EYS: variants seen among roughly 807,000 people sequenced by gnomAD.
EYS encodes the protein protein eyes shut homolog.
A neutral mutation model predicts 282.1 loss-of-function variants in EYS; 250 were observed. That is an observed-to-expected ratio of 0.89 (90% CI 0.80 to 0.98). The LOEUF (loss-of-function observed/expected upper bound fraction) is 0.98, where lower values mean the gene tolerates loss of function less well. EYS is among the 50% of genes least tolerant of loss of function. EYS has a pLI of 0.00. For synonymous variants in EYS, 1,355 were observed against 1,282.9 expected (o/e 1.06, Z -1.20); for missense variants, 4,016 against 3,709.0 (o/e 1.08, Z -2.15).
At position 64,212,704 on chromosome 6, in the gene EYS, A is replaced by G. The variant is rs534268533; in HGVS notation, c.6424+17888T>C. ...AAGCATTGTGGAAGACAGTGTGACT[A>G]TTTTTCAAAGACCTAAAGACAGAAA... On this transcript the variant is annotated intron_variant, in intron 31 of 42. Transcript: ENST00000503581. Among the ~76,000 whole-genome samples, 4 of 152,142 alleles carry G rather than the reference A, an allele frequency of 2.6e-5. No homozygotes were observed. In the South Asian group the frequency reaches 8.3e-4, roughly 31 times the overall value.
chr6:64,946,042 T>C (rs891499863), intron 14 of EYS, 128 bp from the exon 15 acceptor site: 3 of 653,252 alleles, frequency 4.6e-6, no homozygotes, highest in South Asian at 3.1e-5. Context: ...AGAATGCCAA[T>C]ACTCCCCCCA....
chr6:64,714,105 A>G (rs1771295469), intron 22 of EYS, among the ~76,000 whole-genome samples: 1 of 152,210 alleles, frequency 6.6e-6, no homozygotes, highest in African/African-American at 2.4e-5. Flanking sequence ...TTGAGAGGCA[A>G]TGTGGTCTGC....
intron 31 of EYS, among the ~76,000 whole-genome samples, chr6:64,145,040 C>G (rs927393624): frequency 1.3e-5 from 2 of 152,054 alleles, no homozygotes; most frequent in Non-Finnish European, 2.9e-5. Flanking sequence ...TGATAAACTA[C>G]TTATTGTTAT....
At chr6:64,383,662 C>T (rs1772820592) in intron 29 of EYS, among the ~76,000 whole-genome samples, 1 of 152,170 alleles carries the variant, frequency 6.6e-6, no homozygotes. Flanking sequence ...CTATAAATGG[C>T]TATTTAAGAG....
At chr6:63,776,499 G>A (rs1562020712) in intron 40 of EYS, among the ~76,000 whole-genome samples, 5 of 152,062 alleles carry the variant, frequency 3.3e-5, no homozygotes, top group Admixed American at 6.6e-5. Context: ...TTAGGATACT[G>A]GCATTGAGTA....
intron 1 of EYS, among the ~76,000 whole-genome samples, chr6:65,677,468 T>A (rs1258584337): frequency 6.6e-6 from 1 of 151,672 alleles, no homozygotes; most frequent in East Asian, 1.9e-4. Context: ...CCATTTACAA[T>A]GACATCAAAA....
At chr6:63,757,726 T>C (rs1029220772) in intron 41 of EYS, among the ~76,000 whole-genome samples, 1 of 152,092 alleles carries the variant, frequency 6.6e-6, no homozygotes, top group African/African-American at 2.4e-5. Context: ...TTAGGGAAAA[T>C]AGAAAGAACC....
intron 35 of EYS, among the ~76,000 whole-genome samples, chr6:63,937,353 T>A (rs1765094866): frequency 1.1e-4 from 3 of 26,802 alleles, no homozygotes; most frequent in African/African-American, 4.5e-4. Context: ...TTCTTTTTTT[T>A]TTTTTTTTTT....
At chr6:65,400,310 A>G (rs1165207320) in intron 7 of EYS, among the ~76,000 whole-genome samples, 2 of 151,852 alleles carry the variant, frequency 1.3e-5, no homozygotes, top group African/African-American at 4.8e-5. Context: ...TTTTCAAATA[A>G]TTTTCCAAAG....
intron 1 of EYS, among the ~76,000 whole-genome samples, chr6:65,665,521 T>C (rs965641516): frequency 1.3e-5 from 2 of 152,132 alleles, no homozygotes; most frequent in Non-Finnish European, 2.9e-5. Context: ...AAACATTGCT[T>C]AGCATCATGC....
intron 35 of EYS, among the ~76,000 whole-genome samples, chr6:63,888,393 G>A (rs13191865): frequency 6.6e-6 from 1 of 152,228 alleles, no homozygotes; most frequent in Non-Finnish European, 1.5e-5. Flanking sequence ...GGAGAGCTCT[G>A]TCTGGCATCT....
At chr6:64,947,511 C>A (rs373714155) in intron 14 of EYS, among the ~76,000 whole-genome samples, 2 of 151,920 alleles carry the variant, frequency 1.3e-5, no homozygotes, top group Non-Finnish European at 2.9e-5. Context: ...AGTCTCCACT[C>A]AGAATAATCT....
At chr6:64,026,051 C>A (rs1462156519) in intron 33 of EYS, among the ~76,000 whole-genome samples, 1 of 152,140 alleles carries the variant, frequency 6.6e-6, no homozygotes, top group Non-Finnish European at 1.5e-5. Flanking sequence ...CTTGGTCCTC[C>A]ATGTGGTCCG....
At chr6:64,371,883 C>A (rs116130948) in intron 29 of EYS, among the ~76,000 whole-genome samples, 4,727 of 152,120 alleles carry the variant, frequency 0.031, 229 homozygotes, top group African/African-American at 0.11. Context: ...TTCTCCATCC[C>A]TTTTATTTCA....
chr6:65,510,531 AT>A (rs1234969969), intron 2 of EYS, among the ~76,000 whole-genome samples: 3 of 152,056 alleles, frequency 2.0e-5, no homozygotes, highest in African/African-American at 7.2e-5. Flanking sequence ...TTTGATTAAT[AT>A]TTTTTGACTG....
intron 2 of EYS, among the ~76,000 whole-genome samples, chr6:65,601,434 TC>T (rs892178978): frequency 1.3e-5 from 2 of 151,796 alleles, no homozygotes; most frequent in African/African-American, 4.8e-5. Flanking sequence ...TGCTTTTTTT[TC>T]CCCCACAGAG....
intron 36 of EYS, among the ~76,000 whole-genome samples, chr6:63,824,382 A>G (rs1215883611): frequency 6.6e-6 from 1 of 152,206 alleles, no homozygotes; most frequent in Non-Finnish European, 1.5e-5. Context: ...AATTAATGAG[A>G]AAAAGGAAGA....
intron 22 of EYS, among the ~76,000 whole-genome samples, chr6:64,714,993 A>C (rs1232071017): frequency 6.6e-6 from 1 of 151,922 alleles, no homozygotes; most frequent in Non-Finnish European, 1.5e-5. Flanking sequence ...TAGGTGACCA[A>C]AGCAAATTGT....
At chr6:65,609,976 T>C (rs1279853920) in intron 2 of EYS, among the ~76,000 whole-genome samples, 3 of 152,168 alleles carry the variant, frequency 2.0e-5, no homozygotes, top group African/African-American at 7.2e-5. Context: ...TTTAGGTCAT[T>C]GCAGCCTTGA....
Sources: allele counts gnomAD v4.1 joint callset (sites outside exome capture counted in the v4.1 genomes callset), GRCh38; gene constraint gnomAD v4.1.1; transcripts MANE v1.5; gene names NCBI Gene and HGNC (gene_info 2026-07-23, HGNC 2026-07-21).